DLEU7: variants seen among roughly 807,000 people sequenced by gnomAD.
The protein encoded by DLEU7 is deleted in lymphocytic leukemia 7.
A neutral mutation model predicts 16.0 loss-of-function variants in DLEU7; 17 were observed. That is an observed-to-expected ratio of 1.06 (90% CI 0.73 to 1.59). The LOEUF (loss-of-function observed/expected upper bound fraction) is 1.59, where lower values mean the gene tolerates loss of function less well. Among genes scored for constraint, DLEU7 ranks in the 40% most tolerant of loss-of-function variants. DLEU7 has a pLI of 0.00. For missense variants in DLEU7, 308 were observed against 314.9 expected, an observed-to-expected ratio of 0.98 and a Z score of 0.17; for synonymous variants, 113 against 139.8, an observed-to-expected ratio of 0.81 and a Z score of 1.35.
At chr13:50,747,343 T>A (rs1285389707) in intron 1 of DLEU7, among the ~76,000 whole-genome samples, 1 of 97,552 alleles carries the variant, frequency 1.0e-5, no homozygotes, top group East Asian at 2.7e-4. Context: ...TGTGTGTGTG[T>A]GTGTGTGTGT....
chr13:50,742,449 T>C (rs1470281747), intron 1 of DLEU7, among the ~76,000 whole-genome samples: 1 of 152,152 alleles, frequency 6.6e-6, no homozygotes, highest in Non-Finnish European at 1.5e-5. Context: ...GGCAACACCT[T>C]CCACTTGCCC....
rs1873770764 is a variant in DLEU7 at position 50,726,665 on chromosome 13, G to A, written c.460-13425C>T. On this transcript the variant is annotated intron_variant, in intron 1 of 1. Coordinates refer to the DLEU7 transcript ENST00000400393. The surrounding 1 kb of genome is among the most constrained non-coding windows in gnomAD (Gnocchi z 4.0). The stretch of plus-strand genomic sequence containing the variant: ...TTTCATGTGTGTCATCGTTCTAAGA[G>A]CCCACTGGCTATGCCTTTTATTTCT... Among the ~76,000 whole-genome samples the A allele has an allele frequency of 6.6e-6, 1 of 152,118 alleles. No homozygotes were observed. The highest frequency in any genetic ancestry group is 2.1e-4 in the South Asian group (1 of 4,820).
intron 1 of DLEU7, among the ~76,000 whole-genome samples, chr13:50,804,275 T>C (rs1420810025): frequency 2.6e-5 from 4 of 152,122 alleles, no homozygotes. Flanking sequence ...ATAGGACCTG[T>C]ATTAAATGTT....
chr13:50,839,318 C>T (rs1877572893), intron 1 of DLEU7, among the ~76,000 whole-genome samples: 1 of 152,218 alleles, frequency 6.6e-6, no homozygotes, highest in African/African-American at 2.4e-5. Flanking sequence ...CTAGTCTCTG[C>T]AGCAAATTTA....
intron 1 of DLEU7, among the ~76,000 whole-genome samples, chr13:50,841,422 G>A (rs186206292): frequency 4.6e-5 from 7 of 151,970 alleles, no homozygotes; most frequent in Admixed American, 1.3e-4. Context: ...TGCCTCCTCT[G>A]AGAAGCCTTC....
At position 50,843,202 on chromosome 13, in the gene DLEU7, G is replaced by A. The variant is rs377020662; in HGVS notation, c.445C>T (p.Pro149Ser). The change falls in exon 1 of 2, where the codon CCC (proline) becomes TCC (serine). Residue 149 changes from proline to serine, a missense_variant. Physicochemically the swap from Pro to Ser is moderately conservative, Grantham distance 74. Coordinates refer to ENST00000504404, the MANE Select transcript of DLEU7 (RefSeq NM_001306135.2). This position sits in a 1 kb window ranked among gnomAD's most constrained non-coding sequence, Gnocchi z 5.7. ...GCCAGACTCACCTTCAGGTGAATGG[G>A]AAAGGACCGCTCCTGCTGGAGGGGC... ...LGPLQQERSF[P>S]IHLKDSVEFR... 396 of 1,593,670 alleles carry A rather than the reference G, an allele frequency of 2.5e-4. 3 individuals are homozygous for A. Among genetic ancestry groups the A allele is most frequent in the Admixed American group, 2.2e-4 (13 of 58,608 alleles).
intron 1 of DLEU7, among the ~76,000 whole-genome samples, chr13:50,809,857 A>C (rs912233218): frequency 1.3e-5 from 2 of 152,148 alleles, no homozygotes; most frequent in Non-Finnish European, 2.9e-5. Flanking sequence ...ACAGCTGCAT[A>C]AACAATGTTC....
intron 1 of DLEU7, among the ~76,000 whole-genome samples, chr13:50,727,782 A>G (rs1246529728): frequency 6.6e-6 from 1 of 152,102 alleles, no homozygotes; most frequent in Non-Finnish European, 1.5e-5. Context: ...CACCCTCAAG[A>G]TGTGCAGAGC....
intron 1 of DLEU7, among the ~76,000 whole-genome samples, chr13:50,724,535 A>T (rs1409275214): frequency 9.2e-5 from 14 of 152,168 alleles, no homozygotes; most frequent in African/African-American, 3.1e-4. Context: ...AGCAACAAAA[A>T]CAAAAATTAA....
At chr13:50,777,727 C>A (rs1875546301) in intron 1 of DLEU7, among the ~76,000 whole-genome samples, 1 of 152,154 alleles carries the variant, frequency 6.6e-6, no homozygotes, top group Admixed American at 6.6e-5. Context: ...TTTCTCTCAT[C>A]ATTTAACAGG....
Position 50,726,017 on chromosome 13 carries a change from A to G in DLEU7, c.460-12777T>C, listed in dbSNP as rs1873753364. Among the ~76,000 whole-genome samples, 1 of 152,214 alleles carries G rather than the reference A, an allele frequency of 6.6e-6. No individual in the cohort carries two copies. The highest frequency in any genetic ancestry group is 1.5e-5 in the Non-Finnish European group (1 of 68,028). ...CATCATTTGTATGCAGCTAAGCATT[A>G]TGTCAGGCCTCAAGGATACAAAGAT... On this transcript the variant is annotated intron_variant, in intron 1 of 1. Transcript: ENST00000400393. The surrounding 1 kb of genome is among the most constrained non-coding windows in gnomAD (Gnocchi z 4.0).
At chr13:50,796,560 G>A (rs1271082307) in intron 1 of DLEU7, among the ~76,000 whole-genome samples, 6 of 152,166 alleles carry the variant, frequency 3.9e-5, no homozygotes. Context: ...TTGAATTGCA[G>A]TTGGCCACAG....
chr13:50,777,506 C>T (rs1163489238), intron 1 of DLEU7, among the ~76,000 whole-genome samples: 3 of 152,212 alleles, frequency 2.0e-5, no homozygotes, highest in Non-Finnish European at 2.9e-5. Flanking sequence ...CCTTGCTCCT[C>T]AGCTTGTAGA....
chr13:50,711,211 T>C (rs1873275850), downstream of DLEU7: 1 of 152,182 alleles, frequency 6.6e-6, no homozygotes, highest in Non-Finnish European at 1.5e-5. Context: ...AATGTGAACA[T>C]TTAAGCAAAA....
At chr13:50,732,990 T>A (rs1160102268) in intron 1 of DLEU7, among the ~76,000 whole-genome samples, 1 of 152,208 alleles carries the variant, frequency 6.6e-6, no homozygotes, top group Non-Finnish European at 1.5e-5. Context: ...GTGTGTGCCT[T>A]ACTGCTGCTT....
intron 1 of DLEU7, among the ~76,000 whole-genome samples, chr13:50,835,524 A>G (rs1048348736): frequency 1.3e-5 from 2 of 152,220 alleles, no homozygotes; most frequent in African/African-American, 4.8e-5. Context: ...TCACATCCAA[A>G]TGGAAGACTG....
intron 1 of DLEU7, among the ~76,000 whole-genome samples, chr13:50,766,167 C>A (rs1184157704): frequency 6.6e-6 from 1 of 152,152 alleles, no homozygotes; most frequent in Admixed American, 6.5e-5. Flanking sequence ...TACCAATTAA[C>A]CTATGTTGAT....
At chr13:50,773,845 T>C (rs886706279) in intron 1 of DLEU7, among the ~76,000 whole-genome samples, 1 of 152,240 alleles carries the variant, frequency 6.6e-6, no homozygotes, top group Non-Finnish European at 1.5e-5. Context: ...CAGAAGTTTC[T>C]GCTGCCTTTT....
At chr13:50,842,289 G>A (rs1435556625) in intron 1 of DLEU7, among the ~76,000 whole-genome samples, 1 of 152,020 alleles carries the variant, frequency 6.6e-6, no homozygotes, top group Non-Finnish European at 1.5e-5. Context: ...CATATTCTAA[G>A]CTCTCCTCAT....
Sources: allele counts gnomAD v4.1 joint callset (sites outside exome capture counted in the v4.1 genomes callset), GRCh38; gene constraint gnomAD v4.1.1; non-coding constraint Gnocchi (gnomAD v3.1); transcripts MANE v1.5; gene names NCBI Gene and HGNC (gene_info 2026-07-23, HGNC 2026-07-21).